Variants in SETBP1 observed in about 807,000 individuals in gnomAD.
The protein encoded by SETBP1 is SET binding protein 1, also known as SET-binding protein.
In SETBP1, 9 loss-of-function variants were observed where a neutral mutation model predicts 101.0. The observed-to-expected ratio is 0.09, with a 90% CI of 0.05 to 0.16. The LOEUF (loss-of-function observed/expected upper bound fraction) is 0.16. Ranked by LOEUF, SETBP1 falls within the 10% of genes least tolerant of loss-of-function variation. SETBP1 has a pLI of 1.00. For synonymous variants in SETBP1, 818 were observed against 788.5 expected, an observed-to-expected ratio of 1.04 and a Z score of -0.63; for missense variants, 1,858 against 2,033.8, an observed-to-expected ratio of 0.91 and a Z score of 1.66.
At chr18:44,954,336 A>C (rs2071435676) in intron 4 of SETBP1, among the ~76,000 whole-genome samples, 1 of 148,384 alleles carries the variant, frequency 6.7e-6, no homozygotes, top group South Asian at 2.2e-4. Flanking sequence ...AGCTAAAAAA[A>C]AAAAAAAAAA....
rs75365465 is a variant in SETBP1 at position 44,837,987 on chromosome 18, T to G, written c.487-31243T>G. On this transcript the variant is annotated intron_variant, in intron 2 of 5. Transcript: ENST00000649279. The stretch of plus-strand genomic sequence containing the variant: ...ACTGGGTGGGCCATGTTTCCACAAT[T>G]CTCAGGGCTCGTTCCCACTGTGGCT... 1.8e-3 allele frequency among the ~76,000 whole-genome samples: 279 copies of G among 152,276 alleles called. 3 individuals are homozygous for G. The East Asian group carries it at 0.019, about 10-fold the overall frequency.
intron 3 of SETBP1, among the ~76,000 whole-genome samples, chr18:44,872,535 C>T (rs1431968722): frequency 7.9e-5 from 12 of 152,252 alleles, no homozygotes; most frequent in Non-Finnish European, 4.4e-5. Flanking sequence ...ACTACCCCCT[C>T]TTGCTGGACA....
intron 2 of SETBP1, among the ~76,000 whole-genome samples, chr18:44,747,582 G>A: frequency 6.6e-6 from 1 of 152,234 alleles, no homozygotes; most frequent in East Asian, 1.9e-4. Context: ...TGTTGTGCAT[G>A]TGTGAGATTA....
chr18:44,684,227 TAG>T (rs2068801372), intron 1 of SETBP1, among the ~76,000 whole-genome samples: 1 of 152,204 alleles, frequency 6.6e-6, no homozygotes, highest in Non-Finnish European at 1.5e-5. Flanking sequence ...GGGCTTCTTT[TAG>T]AGTGGTTTTT....
chr18:44,889,695 A>G (rs1255824439), intron 3 of SETBP1, among the ~76,000 whole-genome samples: 1 of 152,164 alleles, frequency 6.6e-6, no homozygotes, highest in South Asian at 2.1e-4. Context: ...GCCTATTGAT[A>G]TACAATTAAC....
At chr18:44,900,781 G>A (rs914321349) in intron 3 of SETBP1, among the ~76,000 whole-genome samples, 1 of 152,116 alleles carries the variant, frequency 6.6e-6, no homozygotes, top group African/African-American at 2.4e-5. Context: ...TTGGAGAACC[G>A]CTGGGTAAGG....
At chr18:44,798,807 C>G (rs931781543) in intron 2 of SETBP1, among the ~76,000 whole-genome samples, 2 of 152,070 alleles carry the variant, frequency 1.3e-5, no homozygotes, top group Non-Finnish European at 2.9e-5. Context: ...TTCAAAAGAC[C>G]AAAATAACTC....
intron 4 of SETBP1, among the ~76,000 whole-genome samples, chr18:45,010,307 G>A (rs1205010960): frequency 1.3e-5 from 2 of 152,200 alleles, no homozygotes; most frequent in Non-Finnish European, 2.9e-5. Context: ...CGCTCTAGTA[G>A]ATGGTTAACT....
intron 2 of SETBP1, among the ~76,000 whole-genome samples, chr18:44,768,748 T>C (rs1257253222): frequency 4.6e-5 from 7 of 152,246 alleles, no homozygotes; most frequent in African/African-American, 1.7e-4. Flanking sequence ...TCATAAAGTA[T>C]ATACGGAGAT....
At chr18:44,890,402 T>C (rs535315683) in intron 3 of SETBP1, among the ~76,000 whole-genome samples, 1 of 152,274 alleles carries the variant, frequency 6.6e-6, no homozygotes, top group East Asian at 1.9e-4. Context: ...GTCCTGGGTT[T>C]TTCTCCATCT....
intron 5 of SETBP1, among the ~76,000 whole-genome samples, chr18:45,046,855 A>G (rs1271769455): frequency 6.6e-6 from 1 of 152,268 alleles, no homozygotes; most frequent in African/African-American, 2.4e-5. Context: ...TAAGCAACTC[A>G]TAATCTTATT....
chr18:44,989,864 G>A (rs536161324), intron 4 of SETBP1, among the ~76,000 whole-genome samples: 70 of 52,130 alleles, frequency 1.3e-3, no homozygotes, highest in Non-Finnish European at 1.7e-3. Flanking sequence ...GCGAGACTCC[G>A]TCTCAAAAAA....
chr18:45,027,476 T>C (rs1367407814), intron 4 of SETBP1, among the ~76,000 whole-genome samples: 3 of 152,184 alleles, frequency 2.0e-5, no homozygotes, highest in South Asian at 2.1e-4. Flanking sequence ...TCATATAAGA[T>C]ATTAACCAAA....
intron 3 of SETBP1, among the ~76,000 whole-genome samples, chr18:44,945,544 CACAA>C (rs138089047): frequency 0.12 from 17,585 of 152,118 alleles, 1,180 homozygotes; most frequent in East Asian, 0.29. Flanking sequence ...CCATGAATTT[CACAA>C]ACAATCAACT....
rs922241247 is a variant in SETBP1, at chr18:44,828,431, G to A, written c.487-40799G>A. Among the ~76,000 whole-genome samples, 3 of 152,232 alleles carry A rather than the reference G, an allele frequency of 2.0e-5. No homozygotes were observed. The East Asian group carries it at 5.8e-4, about 29-fold the overall frequency. On this transcript the variant is annotated intron_variant, in intron 2 of 5. Coordinates refer to ENST00000649279, the MANE Select transcript of SETBP1 (RefSeq NM_015559.3). The stretch of plus-strand genomic sequence containing the variant: ...AGTAGATGAAAATTCAGATACTACT[G>A]AACTTGATGTCTCTTTGAATATGGT...
At position 45,049,879 on chromosome 18, in the gene SETBP1, G is replaced by T. The variant is rs545668200; in HGVS notation, c.4171+11224G>T. 2.0e-5 allele frequency among the ~76,000 whole-genome samples: 3 copies of T among 152,234 alleles called. No individual in the cohort carries two copies. In the South Asian group the frequency reaches 6.2e-4, roughly 32 times the overall value. On this transcript the variant is annotated intron_variant, in intron 5 of 5. Transcript: ENST00000649279. ...AAATTTGGCACTCCAATACAGACAAGAGTATAAAATTAATGAGGAAACCCA... is the reference window on the plus strand; with the variant it reads ...AAATTTGGCACTCCAATACAGACAATAGTATAAAATTAATGAGGAAACCCA...
chr18:44,985,220 T>C (rs2072205700), intron 4 of SETBP1, among the ~76,000 whole-genome samples: 1 of 152,140 alleles, frequency 6.6e-6, no homozygotes, highest in Non-Finnish European at 1.5e-5. Context: ...TGGGTAGGGG[T>C]TCTGAGATGC....
chr18:44,861,426 G>C (rs189775369), intron 2 of SETBP1, among the ~76,000 whole-genome samples: 88 of 151,346 alleles, frequency 5.8e-4, no homozygotes, highest in African/African-American at 2.1e-3. Flanking sequence ...ATTTTTAATA[G>C]AGATGAGGTG....
chr18:44,960,001 T>C (rs1363604675), intron 4 of SETBP1, among the ~76,000 whole-genome samples: 1 of 152,138 alleles, frequency 6.6e-6, no homozygotes, highest in East Asian at 1.9e-4. Context: ...CACCTTCACC[T>C]CCTGGGTTCA....
Sources: allele counts gnomAD v4.1 joint callset (sites outside exome capture counted in the v4.1 genomes callset), GRCh38; gene constraint gnomAD v4.1.1; transcripts MANE v1.5; gene names NCBI Gene and HGNC (gene_info 2026-07-23, HGNC 2026-07-21).